DHX40: variants seen among roughly 807,000 people sequenced by gnomAD.
The protein encoded by DHX40 is DEAH-box helicase 40, also known as probable ATP-dependent RNA helicase DHX40.
DHX40 carries 28 observed loss-of-function variants against 89.6 expected under a neutral mutation model. The ratio of observed to expected loss-of-function variants is 0.31; its 90% CI spans 0.23 to 0.43. The LOEUF (loss-of-function observed/expected upper bound fraction) is 0.43. Among genes scored for constraint, DHX40 ranks in the 20% least tolerant of loss-of-function variants. The pLI is 1.00. For synonymous variants in DHX40, 226 were observed against 283.6 expected, an observed-to-expected ratio of 0.80 and a Z score of 2.04; for missense variants, 457 against 844.0, an observed-to-expected ratio of 0.54 and a Z score of 5.68.
At chr17:59,581,194 T>C (rs1598152344) in intron 10 of DHX40, among the ~76,000 whole-genome samples, 1 of 138,852 alleles carries the variant, frequency 7.2e-6, no homozygotes, top group Admixed American at 7.3e-5. Flanking sequence ...CTGTAGTTTT[T>C]TGCTTTCACT....
chr17:59,577,059 C>T, intron 7 of DHX40: 3 of 582,032 alleles, frequency 5.2e-6, no homozygotes, highest in South Asian at 4.9e-5. Context: ...TTCTTAGAGA[C>T]AGGGTCTCAC....
chr17:59,606,846 C>T (rs572089706), intron 17 of DHX40, among the ~76,000 whole-genome samples, 187 bp from the exon 18 acceptor site: 3 of 151,940 alleles, frequency 2.0e-5, no homozygotes, highest in South Asian at 4.2e-4. Flanking sequence ...TTTTCTGACT[C>T]ATTGGCCTTG....
At chr17:59,587,812 A>G (rs1223143775) in intron 11 of DHX40, 84 bp from the exon 12 acceptor site, 18 of 1,544,550 alleles carry the variant, frequency 1.2e-5, no homozygotes, top group South Asian at 9.7e-5. Flanking sequence ...AACGTAAATT[A>G]TATCTGATTT....
intron 14 of DHX40, among the ~76,000 whole-genome samples, chr17:59,600,674 G>C (rs2030447457): frequency 6.6e-6 from 1 of 151,840 alleles, no homozygotes; most frequent in South Asian, 2.1e-4. Flanking sequence ...GTGAGACCCT[G>C]TCTCTACAAA....
chr17:59,573,257 T>A, intron 4 of DHX40, 22 bp downstream of exon 4: 3 of 1,572,222 alleles, frequency 1.9e-6, no homozygotes, highest in Non-Finnish European at 2.6e-6. Context: ...AATTTATTAT[T>A]ATTTTTTTAT....
intron 3 of DHX40, among the ~76,000 whole-genome samples, chr17:59,572,249 C>G (rs924657110): frequency 1.4e-4 from 21 of 152,170 alleles, no homozygotes; most frequent in Non-Finnish European, 2.4e-4. Context: ...AGATGACTCC[C>G]CAAAATACTA....
At chr17:59,573,393 G>A (rs1418013717) in intron 4 of DHX40, among the ~76,000 whole-genome samples, 158 bp downstream of exon 4, 1 of 152,072 alleles carries the variant, frequency 6.6e-6, no homozygotes, top group African/African-American at 2.4e-5. Context: ...GCAGTGGCAC[G>A]ATCATAGCTC....
intron 11 of DHX40, among the ~76,000 whole-genome samples, chr17:59,586,827 T>G (rs1273842953): frequency 6.6e-6 from 1 of 152,110 alleles, no homozygotes; most frequent in Non-Finnish European, 1.5e-5. Context: ...TTCATGTTTG[T>G]GTGATGGGGT....
chr17:59,567,870 T>G (rs2048729406), intron 2 of DHX40, among the ~76,000 whole-genome samples: 1 of 150,288 alleles, frequency 6.7e-6, no homozygotes, highest in Non-Finnish European at 1.5e-5. Context: ...AGGCGGAGCT[T>G]GCAGTGAGCC....
intron 3 of DHX40, among the ~76,000 whole-genome samples, chr17:59,572,413 A>G (rs2048823160): frequency 2.0e-5 from 3 of 151,998 alleles, no homozygotes; most frequent in African/African-American, 4.8e-5. Context: ...GTGTCTTACT[A>G]AGTCACCCAG....
At position 59,588,149 on chromosome 17, in the gene DHX40, G is replaced by A. The variant is rs1229492805; in HGVS notation, c.1582+96G>A. On this transcript the variant is annotated intron_variant, in intron 12 of 17. Transcript: ENST00000251241. ...TAATCCCATCACTTTGGGAGGGCAA[G>A]GCAGGTGGATTGCTTGAGGTCAGAA... 1.4e-5 allele frequency: 21 copies of A among 1,541,594 alleles called. No homozygotes were observed. The Admixed American group carries it at 3.9e-4, about 29-fold the overall frequency.
chr17:59,602,991 G>C (rs2030626499), intron 15 of DHX40, among the ~76,000 whole-genome samples: 1 of 152,206 alleles, frequency 6.6e-6, no homozygotes, highest in Admixed American at 6.5e-5. Context: ...CTTGAGCAAG[G>C]TGGGGAGGGG....
chr17:59,585,818 A>G (rs1272074348), intron 10 of DHX40, among the ~76,000 whole-genome samples: 3 of 136,906 alleles, frequency 2.2e-5, no homozygotes, highest in Non-Finnish European at 4.5e-5. Context: ...TATTTTTATA[A>G]AAGTTTGGAA....
chr17:59,586,943 C>T (rs1244501197), intron 11 of DHX40, among the ~76,000 whole-genome samples: 2 of 151,982 alleles, frequency 1.3e-5, no homozygotes, highest in Admixed American at 6.6e-5. Context: ...TGCTTGAGCC[C>T]AGTTGTTCGA....
intron 2 of DHX40, among the ~76,000 whole-genome samples, chr17:59,569,480 GAAAA>G (rs201827564): frequency 6.6e-6 from 1 of 150,406 alleles, no homozygotes; most frequent in African/African-American, 2.4e-5. Flanking sequence ...TTTTTAGACA[GAAAA>G]AAACAGACAA....
At position 59,573,840 on chromosome 17, in the gene DHX40, C is replaced by G. The variant is rs1000425024; in HGVS notation, c.647C>G (p.Ala216Gly). ...GTAATGTCAGCAACTATGGAATTAG[C>G]CAAGCTCTCTGCATTCTTTGGAAAT... The part of the protein sequence containing the change: ...VVVMSATMEL[A>G]KLSAFFGNCP... The change falls in exon 5 of 18, where the codon GCC becomes GGC. Residue 216 changes from alanine (A) to glycine (G), a missense_variant. Physicochemically the swap from Ala to Gly is moderately conservative, Grantham distance 60. This residue lies in a region of DHX40 where 116 missense variants were observed against 188.9 expected (regional missense o/e 0.61). Transcript: ENST00000251241. The G allele has an allele frequency of 6.2e-7, 1 of 1,613,084 alleles. No individual in the cohort carries two copies. Among genetic ancestry groups the G allele is most frequent in the African/African-American group, 1.3e-5 (1 of 74,692 alleles).
intron 2 of DHX40, 123 bp downstream of exon 2, chr17:59,566,917 C>T (rs924561511): frequency 4.0e-5 from 32 of 790,202 alleles, no homozygotes; most frequent in Non-Finnish European, 5.6e-5. Flanking sequence ...TCTCTTGGCA[C>T]ACCCCCTTCC....
intron 3 of DHX40, among the ~76,000 whole-genome samples, chr17:59,571,457 C>CA (rs111317491): frequency 1.2e-4 from 17 of 136,484 alleles, no homozygotes; most frequent in Non-Finnish European, 2.1e-4. Flanking sequence ...AACTCCACCT[C>CA]AAAAAAAAAA....
At chr17:59,570,734 G>A in intron 3 of DHX40, 71 bp downstream of exon 3, 2 of 1,481,568 alleles carry the variant, frequency 1.3e-6, no homozygotes, top group East Asian at 5.1e-5. Flanking sequence ...GCCCAGCCTG[G>A]AGTGCGTGGC....
Sources: gnomAD v4.1 joint callset for allele counts (sites outside exome capture counted in the v4.1 genomes callset) on GRCh38, gnomAD v4.1.1 for gene constraint, gnomAD v4.1.1 regional missense constraint, MANE v1.5 for transcripts, NCBI Gene and HGNC (gene_info 2026-07-23, HGNC 2026-07-21) for gene names.